CLEC4E: variants seen among roughly 807,000 people sequenced by gnomAD.
The protein encoded by CLEC4E is C-type (calcium dependent, carbohydrate-recognition domain) lectin, superfamily member 9.
In CLEC4E, 21 loss-of-function variants were observed where a neutral mutation model predicts 24.7. That is an observed-to-expected ratio of 0.85 (90% CI 0.60 to 1.22). The LOEUF (loss-of-function observed/expected upper bound fraction) is 1.22. Ranked by LOEUF, CLEC4E falls within the 50% of genes most tolerant of loss-of-function variation. The pLI is 0.00. For synonymous variants in CLEC4E, 94 were observed against 85.7 expected (o/e 1.10, Z -0.54); for missense variants, 249 against 254.1 (o/e 0.98, Z 0.14).
chr12:8,540,841 C>G lies in CLEC4E; in HGVS notation c.-44G>C, dbSNP rs746647193. 3 of 880,888 alleles carry G rather than the reference C, an allele frequency of 3.4e-6. No individual in the cohort carries two copies. Among genetic ancestry groups the G allele is most frequent in the South Asian group, 1.5e-5 (1 of 64,638 alleles). The allele number at this position is 880,888 out of a possible 1,614,324, so 54.6% of individuals were successfully genotyped here. On this transcript the variant is annotated 5_prime_UTR_variant, in exon 1 of 6. Coordinates refer to ENST00000299663, the MANE Select transcript of CLEC4E (RefSeq NM_014358.4). Reference sequence around the variant, plus strand: ...TTTTTGTTTCTCTCTCTCTCTTTTTCTCTCCCTCCCTCTCTTTCTTTCTCC... The same window carrying G: ...TTTTTGTTTCTCTCTCTCTCTTTTTGTCTCCCTCCCTCTCTTTCTTTCTCC...
rs1385834440 is a variant in CLEC4E, at chr12:8,539,791, T to C, written c.130+64A>G. 3.9e-6 allele frequency: 4 copies of C among 1,019,090 alleles called. No individual in the cohort carries two copies. In the African/African-American group the frequency reaches 6.3e-5, roughly 16 times the overall value. 63.1% of individuals were successfully genotyped at this position (1,019,090 alleles called of 1,614,324 possible). ...GGGCAAAGAGAGTCTACAGGCAGCATGGAAGAGTTTTCTCCTAATATGCAC... is the reference window on the plus strand; with the variant it reads ...GGGCAAAGAGAGTCTACAGGCAGCACGGAAGAGTTTTCTCCTAATATGCAC... On this transcript the variant is annotated intron_variant, in intron 2 of 5. Transcript: ENST00000299663.
Position 8,534,646 on chromosome 12 carries a change from AT to A in CLEC4E, c.651del (p.Lys217AsnfsTer13). 6.2e-7 allele frequency: 1 copy of A among 1,612,696 alleles called. No individual in the cohort carries two copies. The highest frequency in any genetic ancestry group is 1.3e-5 in the African/African-American group (1 of 74,868). ...AGTTGTGCCTTCTGTTCTTAAAGAG[AT>A]TTTCCTTTGTTCAAAGGATTTATTC... ...MVGINPLNKG[K>X]SL On this transcript the variant is annotated frameshift_variant, in exon 6 of 6. Transcript: ENST00000299663. LOFTEE classifies it high-confidence loss of function.
intron 5 of CLEC4E, among the ~76,000 whole-genome samples, chr12:8,535,078 T>G (rs1308719809): frequency 6.6e-6 from 1 of 152,224 alleles, no homozygotes; most frequent in Non-Finnish European, 1.5e-5. Flanking sequence ...TCTGTCCTGT[T>G]CCTTAGCTAT....
chr12:8,540,887 A>G lies in CLEC4E; in HGVS notation c.-90T>C. On this transcript the variant is annotated 5_prime_UTR_variant, in exon 1 of 6. Coordinates refer to ENST00000299663, the MANE Select transcript of CLEC4E (RefSeq NM_014358.4). ...TCTCCTCAGGAGTGTTTTGTTGGTAAGATTCAGGGAGAATGAATCTTGAAA... is the reference window on the plus strand; with the variant it reads ...TCTCCTCAGGAGTGTTTTGTTGGTAGGATTCAGGGAGAATGAATCTTGAAA... 1.2e-6 allele frequency: 1 copy of G among 847,974 alleles called. No homozygotes were observed. Among genetic ancestry groups the G allele is most frequent in the Non-Finnish European group, 2.0e-6 (1 of 492,946 alleles). The allele number at this position is 847,974 out of a possible 1,614,324, so 52.5% of individuals were successfully genotyped here.
At position 8,540,902 on chromosome 12, in the gene CLEC4E, G is replaced by T; in HGVS notation, c.-105C>A. The T allele has an allele frequency of 1.3e-6, 1 of 795,404 alleles. No individual in the cohort carries two copies. The highest frequency in any genetic ancestry group is 1.4e-5 in the South Asian group (1 of 71,632). 49.3% of individuals were successfully genotyped at this position (795,404 alleles called of 1,614,324 possible). A position where few individuals can be genotyped will look rare whatever the true frequency, so the allele number is the denominator to read the frequency against. On this transcript the variant is annotated 5_prime_UTR_variant, in exon 1 of 6. Coordinates refer to ENST00000299663, the MANE Select transcript of CLEC4E (RefSeq NM_014358.4). ...TTTGTTGGTAAGATTCAGGGAGAAT[G>T]AATCTTGAAAGATAAACACTTTGTC...
At chr12:8,535,951 G>T in intron 5 of CLEC4E, 139 bp downstream of exon 5, 1 of 497,360 alleles carries the variant, frequency 2.0e-6, no homozygotes. Flanking sequence ...AGAGAAGTGG[G>T]TGCTTGTACT....
chr12:8,537,356 G>A, intron 3 of CLEC4E, 90 bp from the exon 4 acceptor site: 1 of 1,222,246 alleles, frequency 8.2e-7, no homozygotes, highest in Non-Finnish European at 1.1e-6. Context: ...CCTCATTTAA[G>A]TCAGAAGCCT....
chr12:8,540,577 C>G (rs183668157), intron 1 of CLEC4E, among the ~76,000 whole-genome samples, 184 bp downstream of exon 1: 88 of 152,254 alleles, frequency 5.8e-4, no homozygotes, highest in African/African-American at 2.0e-3. Context: ...TCTCCCTTAG[C>G]TAGAGGCCAG....
rs775796101 is a variant in CLEC4E, at chr12:8,539,303, G to A, written c.134C>T (p.Thr45Ile). 20 of 1,604,886 alleles carry A rather than the reference G, an allele frequency of 1.2e-5. No homozygotes were observed. The highest frequency in any genetic ancestry group is 1.5e-5 in the Non-Finnish European group (18 of 1,173,754). Residue 45 changes from threonine (T) to isoleucine (I), a missense_variant, in exon 3 of 6, where the codon ACA (threonine) becomes ATA (isoleucine). Thr to Ile is a moderately conservative substitution (Grantham distance 89). Transcript: ENST00000299663. ...ATCACAGGTTTGAAAGATGCGAAAT[G>A]TCACTGTAAAAGAAAGGGCATAATG... ...SACFITRCVV[T>I]FRIFQTCDEK...
At chr12:8,537,868 G>A (rs923525885) in intron 3 of CLEC4E, among the ~76,000 whole-genome samples, 2 of 152,174 alleles carry the variant, frequency 1.3e-5, no homozygotes, top group East Asian at 1.9e-4. Flanking sequence ...AATAATCCTC[G>A]CTCTATAATC....
At chr12:8,537,941 C>A (rs2136399492) in intron 3 of CLEC4E, among the ~76,000 whole-genome samples, 1 of 152,332 alleles carries the variant, frequency 6.6e-6, no homozygotes, top group African/African-American at 2.4e-5. Flanking sequence ...GAGGTGTGAC[C>A]AGAAGACAAG....
chr12:8,536,386 T>C (rs1940615018), intron 4 of CLEC4E, among the ~76,000 whole-genome samples, 181 bp from the exon 5 acceptor site: 1 of 152,108 alleles, frequency 6.6e-6, no homozygotes, highest in African/African-American at 2.4e-5. Flanking sequence ...CGAAACCCTG[T>C]CTCTACTAAA....
rs187834029 is a variant in CLEC4E, at chr12:8,536,576, T to C, written c.373-371A>G. Among the ~76,000 whole-genome samples the C allele has an allele frequency of 2.0e-5, 3 of 152,126 alleles. No homozygotes were observed. In the East Asian group the frequency reaches 5.8e-4, roughly 29 times the overall value. On this transcript the variant is annotated intron_variant, in intron 4 of 5. Coordinates refer to ENST00000299663, the MANE Select transcript of CLEC4E (RefSeq NM_014358.4). ...CCATCTCAAAAAGTAAAAAAGAATC[T>C]GGATGAGAAATAACAGATAAGTGAA...
chr12:8,538,340 G>A (rs1382814558), intron 3 of CLEC4E, among the ~76,000 whole-genome samples: 1 of 152,226 alleles, frequency 6.6e-6, no homozygotes, highest in Admixed American at 6.5e-5. Context: ...AGTACTAATA[G>A]TCCCTGATAT....
chr12:8,534,885 C>CACAAATGTA, intron 5 of CLEC4E, 76 bp from the exon 6 acceptor site: 1 of 1,254,044 alleles, frequency 8.0e-7, no homozygotes, highest in Non-Finnish European at 1.1e-6. Flanking sequence ...AGGCAAATTA[C>CACAAATGTA]ATTTGTGTTA....
Position 8,536,304 on chromosome 12 carries a change from C to A in CLEC4E, c.373-99G>T, listed in dbSNP as rs758930186. 37 of 671,128 alleles carry A rather than the reference C, an allele frequency of 5.5e-5. No homozygotes were observed. In the African/African-American group the frequency reaches 5.9e-4, roughly 11 times the overall value. The allele number at this position is 671,128 out of a possible 1,614,324, so 41.6% of individuals were successfully genotyped here. A position where few individuals can be genotyped will look rare whatever the true frequency, so the allele number is the denominator to read the frequency against. Reference sequence around the variant, plus strand: ...AAGAGGTAAGAATCTGGATGAGATCCTAGCACTTTGGGAGGCCGAGGCGGG... The same window carrying A: ...AAGAGGTAAGAATCTGGATGAGATCATAGCACTTTGGGAGGCCGAGGCGGG... On this transcript the variant is annotated intron_variant, in intron 4 of 5. Coordinates refer to ENST00000299663, the MANE Select transcript of CLEC4E (RefSeq NM_014358.4).
rs144868707 is a variant in CLEC4E, at chr12:8,534,811, T to C, written c.489-2A>G. On this transcript the variant is annotated splice_acceptor_variant, in intron 5 of 5. Transcript: ENST00000299663. LOFTEE classifies it high-confidence loss of function. ...TTGGGCTCCCCTACATCCCAGAAGC[T>C]GAAAAAGAATGACATAGGAGACTTA... 18 of 1,609,528 alleles carry C rather than the reference T, an allele frequency of 1.1e-5. No homozygotes were observed. The South Asian group carries it at 1.2e-4, about 11-fold the overall frequency.
At chr12:8,539,579 C>CT (rs1940666882) in intron 2 of CLEC4E, among the ~76,000 whole-genome samples, 1 of 152,102 alleles carries the variant, frequency 6.6e-6, no homozygotes, top group Admixed American at 6.5e-5. Flanking sequence ...GAAGGTTACA[C>CT]TAATGATAGA....
rs1940581084 is a variant in CLEC4E at position 8,534,233 on chromosome 12, G to A, written c.*405C>T. ...GAACGGTATGAAACCAAGAAGAGAA[G>A]ACAGACTTGTCAGAAGCTAGAAAGA... On this transcript the variant is annotated 3_prime_UTR_variant, in exon 6 of 6. Transcript: ENST00000299663. The A allele has an allele frequency of 6.3e-6, 1 of 159,480 alleles. No individual in the cohort carries two copies. 9.9% of individuals were successfully genotyped at this position (159,480 alleles called of 1,614,324 possible).
Sources: allele counts gnomAD v4.1 joint callset (sites outside exome capture counted in the v4.1 genomes callset), GRCh38; gene constraint gnomAD v4.1.1; transcripts MANE v1.5; gene names NCBI Gene and HGNC (gene_info 2026-07-23, HGNC 2026-07-21).